SCTR: variants seen among roughly 807,000 people sequenced by gnomAD.
SCTR encodes the protein pancreatic secretin receptor.
SCTR carries 56 observed loss-of-function variants against 60.8 expected under a neutral mutation model. That is an observed-to-expected ratio of 0.92 (90% CI 0.74 to 1.15). The LOEUF (loss-of-function observed/expected upper bound fraction) is 1.15, where lower values mean the gene tolerates loss of function less well. SCTR is among the 50% of genes most tolerant of loss of function. SCTR has a pLI of 0.00. For missense variants in SCTR, 562 were observed against 550.4 expected, an observed-to-expected ratio of 1.02 and a Z score of -0.21; for synonymous variants, 202 against 217.0, an observed-to-expected ratio of 0.93 and a Z score of 0.61.
chr2:119,465,932 C>G, intron 4 of SCTR, 46 bp from the exon 5 acceptor site: 1 of 1,397,846 alleles, frequency 7.2e-7, no homozygotes, highest in South Asian at 1.2e-5. Flanking sequence ...TCCTGGCTAG[C>G]TCTGCCTTCT....
chr2:119,494,367 C>G (rs940512462), intron 2 of SCTR, 61 bp downstream of exon 2: 1 of 1,575,792 alleles, frequency 6.3e-7, no homozygotes, highest in African/African-American at 1.4e-5. Flanking sequence ...CTCCCCCTGC[C>G]CAGCAGGACC....
chr2:119,514,073 C>G (rs1264633867), intron 1 of SCTR, among the ~76,000 whole-genome samples: 1 of 152,136 alleles, frequency 6.6e-6, no homozygotes, highest in Non-Finnish European at 1.5e-5. Context: ...GTGGTTGGTC[C>G]CACTGTGGTG....
At chr2:119,497,134 G>T (rs1360124269) in intron 1 of SCTR, among the ~76,000 whole-genome samples, 1 of 152,016 alleles carries the variant, frequency 6.6e-6, no homozygotes, top group East Asian at 1.9e-4. Context: ...TGGAGAGTTG[G>T]GGTTTCCACT....
chr2:119,478,979 C>T lies in SCTR; in HGVS notation c.194-61G>A. 5.0e-6 allele frequency: 8 copies of T among 1,601,102 alleles called. No homozygotes were observed. In the South Asian group the frequency reaches 8.9e-5, roughly 18 times the overall value. On this transcript the variant is annotated intron_variant, in intron 2 of 12. Coordinates refer to ENST00000019103, the MANE Select transcript of SCTR (RefSeq NM_002980.3). Reference sequence around the variant, plus strand: ...ATGGACCGAGGGCTGCCCTACCATCCTGTCCACATCACCGACACCCTTGCC... The same window carrying T: ...ATGGACCGAGGGCTGCCCTACCATCTTGTCCACATCACCGACACCCTTGCC...
intron 6 of SCTR, among the ~76,000 whole-genome samples, chr2:119,462,936 G>A (rs1866455): frequency 0.14 from 21,649 of 152,158 alleles, 1,766 homozygotes; most frequent in East Asian, 0.3. Context: ...TCCACTGCTG[G>A]TCAGTAATGA....
intron 9 of SCTR, among the ~76,000 whole-genome samples, chr2:119,449,438 T>C (rs1683061193): frequency 6.6e-6 from 1 of 152,180 alleles, no homozygotes; most frequent in East Asian, 1.9e-4. Flanking sequence ...CGAACTATGA[T>C]TGGAAGAGAA....
At chr2:119,446,948 G>A in intron 10 of SCTR, 63 bp from the exon 11 acceptor site, 1 of 1,357,844 alleles carries the variant, frequency 7.4e-7, no homozygotes. Flanking sequence ...CCTCCTGTAG[G>A]CACACAGCTG....
At chr2:119,474,523 A>T (rs1677180160) in intron 3 of SCTR, among the ~76,000 whole-genome samples, 1 of 152,100 alleles carries the variant, frequency 6.6e-6, no homozygotes, top group Non-Finnish European at 1.5e-5. Flanking sequence ...GGCCGGTGTA[A>T]GTGTTGCAGG....
At position 119,478,933 on chromosome 2, in the gene SCTR, A is replaced by G. The variant is rs376570023; in HGVS notation, c.194-15T>C. The G allele has an allele frequency of 9.3e-6, 15 of 1,613,958 alleles. No individual in the cohort carries two copies. Among genetic ancestry groups the G allele is most frequent in the Middle Eastern group, 1.6e-4 (1 of 6,084 alleles). On this transcript the variant is annotated splice_polypyrimidine_tract_variant and intron_variant, in intron 2 of 12. Coordinates refer to ENST00000019103, the MANE Select transcript of SCTR (RefSeq NM_002980.3). Reference sequence around the variant, plus strand: ...CCCCTCACAACCTGCCAAGAAAAGCAGCATCAGACAAGGATGGGGGATGGA... The same window carrying G: ...CCCCTCACAACCTGCCAAGAAAAGCGGCATCAGACAAGGATGGGGGATGGA...
intron 9 of SCTR, among the ~76,000 whole-genome samples, chr2:119,449,944 AGAAG>A (rs565669087): frequency 0.057 from 7,579 of 132,924 alleles, 709 homozygotes; most frequent in African/African-American, 0.19. Flanking sequence ...GACAAAAAAA[AGAAG>A]GAAGGAAGGA....
In SCTR at chr2:119,455,429, C is replaced by T. The variant is rs1367790289; in HGVS notation, c.791-2082G>A. Reference sequence around the variant, plus strand: ...ATTACATAAAAGACACAGACCAAAACAATCAGAGAAAAGGAACTCAGAGGA... The same window carrying T: ...ATTACATAAAAGACACAGACCAAAATAATCAGAGAAAAGGAACTCAGAGGA... On this transcript the variant is annotated intron_variant, in intron 7 of 12. Transcript: ENST00000019103. Among the ~76,000 whole-genome samples, 3 of 152,280 alleles carry T rather than the reference C, an allele frequency of 2.0e-5. No individual in the cohort carries two copies. In the East Asian group the frequency reaches 5.8e-4, roughly 29 times the overall value.
At chr2:119,488,653 C>G (rs1312104411) in intron 2 of SCTR, among the ~76,000 whole-genome samples, 2 of 152,166 alleles carry the variant, frequency 1.3e-5, no homozygotes. Flanking sequence ...GCAGAAGAGG[C>G]GCCACCCACA....
chr2:119,505,083 A>G (rs928469692), intron 1 of SCTR, among the ~76,000 whole-genome samples: 4 of 152,064 alleles, frequency 2.6e-5, no homozygotes, highest in South Asian at 2.1e-4. Flanking sequence ...CTGTTGGTGG[A>G]ACTGTAAACT....
At chr2:119,481,327 C>T (rs1014207668) in intron 2 of SCTR, among the ~76,000 whole-genome samples, 1 of 152,226 alleles carries the variant, frequency 6.6e-6, no homozygotes. Flanking sequence ...TAAGTGAAAT[C>T]TCCCTGGTGA....
At chr2:119,523,387 TGCC>T (rs1198714312) in intron 1 of SCTR, among the ~76,000 whole-genome samples, 10 of 144,890 alleles carry the variant, frequency 6.9e-5, no homozygotes, top group African/African-American at 2.6e-4. Flanking sequence ...CCACCCATCC[TGCC>T]GCTATTATTA....
chr2:119,524,271 G>C lies in SCTR; in HGVS notation c.-45C>G, dbSNP rs1051944491. On this transcript the variant is annotated 5_prime_UTR_variant, in exon 1 of 13. Transcript: ENST00000019103. ...AGGGCGCCCCGACGTCCGCCTGCCCGTGCCCTCTGCCCGCTCGGGAGCTCA... is the reference window on the plus strand; with the variant it reads ...AGGGCGCCCCGACGTCCGCCTGCCCCTGCCCTCTGCCCGCTCGGGAGCTCA... 8 of 1,311,612 alleles carry C rather than the reference G, an allele frequency of 6.1e-6. No homozygotes were observed. In the Middle Eastern group the frequency reaches 8.0e-4, roughly 131 times the overall value. The allele number at this position is 1,311,612 out of a possible 1,614,324, so 81.2% of individuals were successfully genotyped here.
intron 4 of SCTR, among the ~76,000 whole-genome samples, chr2:119,471,186 A>G (rs887052108): frequency 6.6e-6 from 1 of 152,232 alleles, no homozygotes; most frequent in African/African-American, 2.4e-5. Flanking sequence ...TTATTAAACC[A>G]GTTAGAAATG....
rs1683828754 is a variant in SCTR at position 119,466,210 on chromosome 2, C to G, written c.406-324G>C. Among the ~76,000 whole-genome samples the G allele has an allele frequency of 2.6e-5, 4 of 152,064 alleles. No individual in the cohort carries two copies. In the South Asian group the frequency reaches 8.3e-4, roughly 32 times the overall value. On this transcript the variant is annotated intron_variant, in intron 4 of 12. Coordinates refer to ENST00000019103, the MANE Select transcript of SCTR (RefSeq NM_002980.3). ...CTCTAGAGACAAAGTGCTCACTGCC[C>G]TTTGAGAAAGTTATTTGGTGTAAAA...
chr2:119,498,127 C>G (rs1279689179), intron 1 of SCTR, among the ~76,000 whole-genome samples: 1 of 151,964 alleles, frequency 6.6e-6, no homozygotes, highest in Non-Finnish European at 1.5e-5. Flanking sequence ...TAGAAAGCAG[C>G]CAGAGAAAAA....
Sources: allele counts gnomAD v4.1 joint callset (sites outside exome capture counted in the v4.1 genomes callset), GRCh38; gene constraint gnomAD v4.1.1; transcripts MANE v1.5; gene names NCBI Gene and HGNC (gene_info 2026-07-23, HGNC 2026-07-21).